PDE1C: variants seen among roughly 807,000 people sequenced by gnomAD.
The protein encoded by PDE1C is dual specificity calcium/calmodulin-dependent 3',5'-cyclic nucleotide phosphodiesterase 1C.
A neutral mutation model predicts 93.1 loss-of-function variants in PDE1C; 62 were observed. The observed-to-expected ratio is 0.67, with a 90% CI of 0.54 to 0.82. PDE1C has a LOEUF of 0.82. Among genes scored for constraint, PDE1C ranks in the 40% least tolerant of loss-of-function variants. The pLI is 0.00. For missense variants in PDE1C, 742 were observed against 884.6 expected, an observed-to-expected ratio of 0.84 and a Z score of 2.04; for synonymous variants, 325 against 310.1, an observed-to-expected ratio of 1.05 and a Z score of -0.50.
chr7:31,879,325 TG>T lies in PDE1C; in HGVS notation c.243-148del, dbSNP rs544779533. On this transcript the variant is annotated intron_variant, in intron 3 of 17. Coordinates refer to ENST00000396191, the MANE Select transcript of PDE1C (RefSeq NM_001191057.4). ...GGCCACAAAAAATACAGTGCCTTTTTGGTAAGGCTTATGTAAGCTCGCCATG... is the reference window on the plus strand; with the variant it reads ...GGCCACAAAAAATACAGTGCCTTTTTGTAAGGCTTATGTAAGCTCGCCATG... 166 of 716,716 alleles carry T rather than the reference TG, an allele frequency of 2.3e-4. No homozygotes were observed. In the African/African-American group the frequency reaches 2.6e-3, roughly 11 times the overall value. The allele number at this position is 716,716 out of a possible 1,614,324, so 44.4% of individuals were successfully genotyped here.
At chr7:31,924,355 C>T (rs1472809141) in intron 2 of PDE1C, among the ~76,000 whole-genome samples, 1 of 152,154 alleles carries the variant, frequency 6.6e-6, no homozygotes, top group African/African-American at 2.4e-5. Context: ...TTGACAATAA[C>T]AGACATATTC....
At chr7:32,211,780 G>T (rs1446523379) in intron 1 of PDE1C, among the ~76,000 whole-genome samples, 1 of 152,050 alleles carries the variant, frequency 6.6e-6, no homozygotes, top group Admixed American at 6.6e-5. Flanking sequence ...CCGGCACTGT[G>T]GGAGGCTGAG....
At chr7:32,189,451 A>G (rs1276821291) in intron 2 of PDE1C, among the ~76,000 whole-genome samples, 1 of 152,230 alleles carries the variant, frequency 6.6e-6, no homozygotes, top group Non-Finnish European at 1.5e-5. Flanking sequence ...TTTTTAATGC[A>G]TAACTACCTT....
intron 2 of PDE1C, among the ~76,000 whole-genome samples, chr7:31,982,297 T>G (rs1229556502): frequency 6.6e-6 from 1 of 152,134 alleles, no homozygotes; most frequent in Non-Finnish European, 1.5e-5. Context: ...AGCACATCGG[T>G]GTGAACTCGA....
chr7:32,196,873 T>C (rs1804656674), intron 2 of PDE1C, among the ~76,000 whole-genome samples: 1 of 152,138 alleles, frequency 6.6e-6, no homozygotes, highest in Non-Finnish European at 1.5e-5. Flanking sequence ...TGAGGGAGAA[T>C]AGAGATGCAT....
intron 5 of PDE1C, among the ~76,000 whole-genome samples, chr7:31,877,529 T>G (rs1796739360): frequency 6.6e-6 from 1 of 151,926 alleles, no homozygotes; most frequent in African/African-American, 2.4e-5. Context: ...CTGTCTCTAA[T>G]TAACTCTTTT....
At chr7:31,879,833 A>G (rs79369865) in intron 3 of PDE1C, among the ~76,000 whole-genome samples, 1,687 of 152,332 alleles carry the variant, frequency 0.011, 32 homozygotes, top group African/African-American at 0.038. Context: ...AAAACCTAAA[A>G]TAGCATGTCA....
At position 32,278,667 on chromosome 7, in the gene PDE1C, G is replaced by A. The variant is rs527295540; in HGVS notation, c.85+19984C>T. ...TCCAGTGCTGGACTAGCTCCAAGGC[G>A]ATGCTGTCTCAATGCCTATAGCATT... On this transcript the variant is annotated intron_variant, in intron 1 of 18. Transcript: ENST00000396193. Among the ~76,000 whole-genome samples the A allele has an allele frequency of 7.4e-4, 113 of 152,194 alleles. 1 individual carries two copies. The highest frequency in any genetic ancestry group is 1.6e-3 in the Non-Finnish European group (108 of 68,034).
chr7:32,405,159 C>T (rs1329693615), intron 1 of PDE1C, among the ~76,000 whole-genome samples: 1 of 152,118 alleles, frequency 6.6e-6, no homozygotes, highest in Non-Finnish European at 1.5e-5. Context: ...ACCCAAACAA[C>T]AGCAGACCTG....
intron 9 of PDE1C, 109 bp from the exon 10 acceptor site, chr7:31,838,080 A>T: frequency 1.4e-6 from 1 of 726,086 alleles, no homozygotes; most frequent in Non-Finnish European, 2.4e-6. Flanking sequence ...GATTTCTGAC[A>T]TTTCTAATCT....
chr7:31,942,584 G>A (rs2129001765), intron 2 of PDE1C, among the ~76,000 whole-genome samples: 1 of 152,278 alleles, frequency 6.6e-6, no homozygotes, highest in South Asian at 2.1e-4. Context: ...GTACAAGCAA[G>A]TGGGAATGAA....
At chr7:31,807,863 T>G (rs1787051356) in intron 16 of PDE1C, among the ~76,000 whole-genome samples, 1 of 151,882 alleles carries the variant, frequency 6.6e-6, no homozygotes, top group African/African-American at 2.4e-5. Flanking sequence ...ATTTACTTCT[T>G]AGTCACAATT....
intron 3 of PDE1C, among the ~76,000 whole-genome samples, chr7:32,155,896 A>G (rs1189403499): frequency 6.6e-6 from 1 of 152,112 alleles, no homozygotes; most frequent in Non-Finnish European, 1.5e-5. Flanking sequence ...CTCTGTAACA[A>G]TGGTGTCTGG....
intron 16 of PDE1C, among the ~76,000 whole-genome samples, chr7:31,795,899 C>T (rs1164128488): frequency 1.3e-5 from 2 of 151,602 alleles, no homozygotes; most frequent in Non-Finnish European, 3.0e-5. Flanking sequence ...GGTCAACCTA[C>T]AGCACAGCTT....
intron 16 of PDE1C, among the ~76,000 whole-genome samples, chr7:31,794,418 CAAT>C (rs992115066): frequency 6.6e-6 from 1 of 151,898 alleles, no homozygotes; most frequent in Non-Finnish European, 1.5e-5. Context: ...CTGAAAATAA[CAAT>C]GATGTTAAAC....
intron 1 of PDE1C, among the ~76,000 whole-genome samples, chr7:32,410,719 C>T (rs1384308725): frequency 1.3e-5 from 2 of 152,156 alleles, no homozygotes; most frequent in Non-Finnish European, 2.9e-5. Flanking sequence ...CCCTGCTCCT[C>T]CGCTTCCCGG....
chr7:32,238,686 TTGGCC>T (rs1808320984), intron 1 of PDE1C, among the ~76,000 whole-genome samples: 1 of 152,240 alleles, frequency 6.6e-6, no homozygotes, highest in African/African-American at 2.4e-5. Flanking sequence ...AATGTTTTTA[TTGGCC>T]CAGGAGTAGA....
At chr7:32,147,382 GA>G (rs1024283479) in intron 3 of PDE1C, among the ~76,000 whole-genome samples, 2 of 152,104 alleles carry the variant, frequency 1.3e-5, no homozygotes, top group African/African-American at 4.8e-5. Context: ...TTGTCTTTGG[GA>G]AAAATATCAG....
chr7:32,119,527 C>T (rs6946776), intron 3 of PDE1C, among the ~76,000 whole-genome samples: 53,664 of 152,112 alleles, frequency 0.35, 9,987 homozygotes, highest in African/African-American at 0.47. Context: ...GCAGCTGCAA[C>T]CAGAGGCTCC....
Sources: allele counts gnomAD v4.1 joint callset (sites outside exome capture counted in the v4.1 genomes callset), GRCh38; gene constraint gnomAD v4.1.1; transcripts MANE v1.5; gene names NCBI Gene and HGNC (gene_info 2026-07-23, HGNC 2026-07-21).